Variants in MXRA7 observed in about 807,000 individuals in gnomAD.
The protein encoded by MXRA7 is matrix remodeling associated 7, also known as matrix-remodeling-associated protein 7.
MXRA7 carries 18 observed loss-of-function variants against 17.4 expected under a neutral mutation model. The ratio of observed to expected loss-of-function variants is 1.03; its 90% confidence interval spans 0.71 to 1.53. The LOEUF is 1.53. Ranked by LOEUF, MXRA7 falls within the 40% of genes most tolerant of loss-of-function variation. The probability of loss-of-function intolerance (pLI) is 0.00; values close to 1 mark genes in which losing one functional copy is unlikely to be tolerated. For missense variants in MXRA7, 141 were observed against 209.3 expected (o/e 0.67, Z 2.01); for synonymous variants, 70 against 101.7 (o/e 0.69, Z 1.87).
chr17:76,707,291 C>CTTTTTTTTTTTTTTTTTTTTTT lies in MXRA7; in HGVS notation c.342+3292_342+3313dup, dbSNP rs56067261. On this transcript the variant is annotated intron_variant, in intron 1 of 3. Transcript: ENST00000449428. ...CACTGCCTTGCAGGAAGTCCCTACT[C>CTTTTTTTTTTTTTTTTTTTTTT]TTTTTTTTTTTTTTTTTTTTTTTTT... Among the ~76,000 whole-genome samples the CTTTTTTTTTTTTTTTTTTTTTT allele has an allele frequency of 2.1e-5, 2 of 96,092 alleles. 1 individual carries two copies. The highest frequency in any genetic ancestry group is 9.5e-5 in the African/African-American group (2 of 21,034). 63.0% of individuals were successfully genotyped at this position (96,092 alleles called of 152,430 possible). A position where few individuals can be genotyped will look rare whatever the true frequency, so the allele number is the denominator to read the frequency against.
intron 3 of MXRA7, among the ~76,000 whole-genome samples, chr17:76,682,161 C>T (rs1036851554): frequency 6.6e-5 from 10 of 152,200 alleles, no homozygotes; most frequent in African/African-American, 2.2e-4. Context: ...CTTCCAGTCC[C>T]ACTTCCTAAT....
chr17:76,692,797 C>T (rs1238265729), intron 1 of MXRA7, among the ~76,000 whole-genome samples: 1 of 152,202 alleles, frequency 6.6e-6, no homozygotes, highest in Non-Finnish European at 1.5e-5. Context: ...AGTACCCCCT[C>T]TAGTGCTATA....
At chr17:76,698,014 A>G (rs1486890132) in intron 1 of MXRA7, among the ~76,000 whole-genome samples, 1 of 152,124 alleles carries the variant, frequency 6.6e-6, no homozygotes, top group Admixed American at 6.5e-5. Flanking sequence ...CTGCTGCCCA[A>G]GGAGATGGTT....
At chr17:76,688,482 G>A in intron 1 of MXRA7, 1 of 1,338,814 alleles carries the variant, frequency 7.5e-7, no homozygotes, top group Non-Finnish European at 9.5e-7. Flanking sequence ...TTGGAGAAGT[G>A]GGCCCAGGAC....
chr17:76,708,008 G>A (rs934270927), intron 1 of MXRA7, among the ~76,000 whole-genome samples: 1 of 152,208 alleles, frequency 6.6e-6, no homozygotes, highest in Non-Finnish European at 1.5e-5. Flanking sequence ...GCCCTGGCCT[G>A]TGCTGCCCTG....
intron 1 of MXRA7, 92 bp downstream of exon 1, chr17:76,710,513 G>T: frequency 9.3e-7 from 1 of 1,075,374 alleles, no homozygotes; most frequent in African/African-American, 1.7e-5. Context: ...TGGGCTGGAG[G>T]CCGCGGCCCC....
intron 1 of MXRA7, among the ~76,000 whole-genome samples, chr17:76,694,951 A>C (rs2076517692): frequency 6.6e-6 from 1 of 152,128 alleles, no homozygotes; most frequent in African/African-American, 2.4e-5. Context: ...TGAGGTCAGC[A>C]GTTCGAGACC....
chr17:76,683,849 A>G, intron 3 of MXRA7: 1 of 1,613,246 alleles, frequency 6.2e-7, no homozygotes, highest in Non-Finnish European at 8.5e-7. Flanking sequence ...GTCCTTACCA[A>G]AAGGATTTGC....
chr17:76,707,493 G>A (rs150536844), intron 1 of MXRA7, among the ~76,000 whole-genome samples: 1,806 of 151,904 alleles, frequency 0.012, 32 homozygotes, highest in African/African-American at 0.041. Flanking sequence ...TAGTAGAGAC[G>A]GGGTTTCGCC....
chr17:76,685,023 C>A, intron 3 of MXRA7, 49 bp downstream of exon 3: 3 of 1,512,048 alleles, frequency 2.0e-6, no homozygotes, highest in Non-Finnish European at 2.8e-6. Context: ...GAGGGGCACC[C>A]CCCTCCCCCA....
chr17:76,693,542 T>C (rs1011307346), intron 1 of MXRA7, among the ~76,000 whole-genome samples: 4 of 146,226 alleles, frequency 2.7e-5, no homozygotes, highest in African/African-American at 7.6e-5. Flanking sequence ...TAGAGTTAGA[T>C]ACTGGTTTAT....
intron 1 of MXRA7, chr17:76,709,753 T>G (rs2076699672): frequency 6.6e-6 from 1 of 152,630 alleles, no homozygotes; most frequent in Non-Finnish European, 1.5e-5. Context: ...CCAGGGAACA[T>G]GGGCACACAG....
rs917249283 is a variant in MXRA7 at position 76,710,485 on chromosome 17, C to G, written c.342+120G>C. The G allele has an allele frequency of 4.9e-5, 42 of 860,858 alleles. No homozygotes were observed. The African/African-American group carries it at 7.0e-4, about 14-fold the overall frequency. The allele number at this position is 860,858 out of a possible 1,614,324, so 53.3% of individuals were successfully genotyped here. A position where few individuals can be genotyped will look rare whatever the true frequency, so the allele number is the denominator to read the frequency against. ...CATTTCCTGCGGGCCGCGGGTTCTG[C>G]GCTTCCTGGGGGCAGCCTGGGCTGG... On this transcript the variant is annotated intron_variant, in intron 1 of 3. Coordinates refer to ENST00000449428, the MANE Select transcript of MXRA7 (RefSeq NM_198530.4).
Position 76,685,059 on chromosome 17 carries a change from G to C in MXRA7, c.500+13C>G, listed in dbSNP as rs1475153038. 1 of 1,610,436 alleles carries C rather than the reference G, an allele frequency of 6.2e-7. No homozygotes were observed. The highest frequency in any genetic ancestry group is 1.7e-5 in the Admixed American group (1 of 60,006). On this transcript the variant is annotated intron_variant, in intron 3 of 3. Coordinates refer to ENST00000449428, the MANE Select transcript of MXRA7 (RefSeq NM_198530.4). ...AGAGCCCGCCAGGCGCCAGCGAAGG[G>C]GCTGCAGCCTACCTCTGCTCCTCCT... is the stretch of plus-strand genomic sequence containing the variant.
At chr17:76,692,277 C>G (rs113899429) in intron 1 of MXRA7, among the ~76,000 whole-genome samples, 1,553 of 147,690 alleles carry the variant, frequency 0.011, 37 homozygotes, top group Middle Eastern at 0.047. Context: ...TTTTTTGAGA[C>G]AGTTTCACTC....
chr17:76,674,872 A>G (rs544274048), downstream of MXRA7: 8 of 152,384 alleles, frequency 5.2e-5, no homozygotes, highest in Non-Finnish European at 1.0e-4. Flanking sequence ...CGCAAGCAAG[A>G]CATGCCCTTT....
At chr17:76,709,208 T>G (rs945293748) in intron 1 of MXRA7, among the ~76,000 whole-genome samples, 1 of 152,046 alleles carries the variant, frequency 6.6e-6, no homozygotes, top group Non-Finnish European at 1.5e-5. Context: ...ACTGACTGAG[T>G]GTGCATGACG....
chr17:76,706,729 C>G (rs947286678), intron 1 of MXRA7, among the ~76,000 whole-genome samples: 1 of 152,248 alleles, frequency 6.6e-6, no homozygotes, highest in Non-Finnish European at 1.5e-5. Flanking sequence ...AGACCACCAC[C>G]TCCAGAGTGT....
intron 1 of MXRA7, among the ~76,000 whole-genome samples, chr17:76,710,213 G>C (rs2076704007): frequency 6.6e-6 from 1 of 152,218 alleles, no homozygotes; most frequent in Non-Finnish European, 1.5e-5. Flanking sequence ...CTGGAAATAA[G>C]CCACAGGCAC....
Sources: gnomAD v4.1 joint callset for allele counts (sites outside exome capture counted in the v4.1 genomes callset) on GRCh38, gnomAD v4.1.1 for gene constraint, MANE v1.5 for transcripts, NCBI Gene and HGNC (gene_info 2026-07-23, HGNC 2026-07-21) for gene names.